The following PCSK2 variants were observed in gnomAD, a reference collection of about 807,000 sequenced individuals.
PCSK2 encodes the protein neuroendocrine convertase 2.
Under a neutral mutation model 69.7 loss-of-function variants are expected in PCSK2, and 14 were observed. The ratio of observed to expected loss-of-function variants is 0.20; its 90% CI spans 0.13 to 0.31. The LOEUF (loss-of-function observed/expected upper bound fraction) is 0.31. Among genes scored for constraint, PCSK2 ranks in the 10% least tolerant of loss-of-function variants. The probability of loss-of-function intolerance (pLI) is 1.00; values close to 1 mark genes in which losing one functional copy is unlikely to be tolerated. For synonymous variants in PCSK2, 307 were observed against 320.7 expected (o/e 0.96, Z 0.46); for missense variants, 544 against 842.5 (o/e 0.65, Z 4.39).
At chr20:17,313,920 G>C (rs1295750812) in intron 2 of PCSK2, among the ~76,000 whole-genome samples, 1 of 152,132 alleles carries the variant, frequency 6.6e-6, no homozygotes, top group Admixed American at 6.5e-5. Context: ...TAGCTCATAT[G>C]CACAAAGCAA....
intron 2 of PCSK2, among the ~76,000 whole-genome samples, chr20:17,337,028 T>C (rs1033236732): frequency 6.6e-6 from 1 of 152,190 alleles, no homozygotes; most frequent in Non-Finnish European, 1.5e-5. Flanking sequence ...GCATCAACAT[T>C]AGGTTGCTAT....
intron 1 of PCSK2, among the ~76,000 whole-genome samples, chr20:17,233,856 A>G (rs1986234093): frequency 6.6e-6 from 1 of 152,158 alleles, no homozygotes; most frequent in African/African-American, 2.4e-5. Flanking sequence ...AGCAGAAGTC[A>G]TGTGTACTTC....
intron 5 of PCSK2, among the ~76,000 whole-genome samples, chr20:17,399,009 A>C (rs189830447): frequency 6.6e-6 from 1 of 152,320 alleles, no homozygotes; most frequent in Admixed American, 6.5e-5. Flanking sequence ...CTATTGTACA[A>C]TGGGGGCAAA....
intron 2 of PCSK2, among the ~76,000 whole-genome samples, chr20:17,268,033 G>GTATGTATA (rs1433692727): frequency 3.0e-5 from 2 of 66,336 alleles, no homozygotes; most frequent in African/African-American, 1.2e-4. Flanking sequence ...TATCCAATGT[G>GTATGTATA]TATATATATA....
intron 2 of PCSK2, among the ~76,000 whole-genome samples, chr20:17,293,036 G>A (rs887512531): frequency 1.1e-4 from 16 of 152,118 alleles, no homozygotes; most frequent in Non-Finnish European, 2.4e-4. Flanking sequence ...TGTTGGCCAG[G>A]CTGGTCTTGA....
At chr20:17,316,426 T>C (rs934640481) in intron 2 of PCSK2, among the ~76,000 whole-genome samples, 1 of 152,244 alleles carries the variant, frequency 6.6e-6, no homozygotes, top group Admixed American at 6.5e-5. Context: ...CAAGCACTTG[T>C]ATAATTTTCT....
chr20:17,447,163 T>C (rs60413769), intron 8 of PCSK2, among the ~76,000 whole-genome samples: 100,039 of 150,946 alleles, frequency 0.66, 33,451 homozygotes, highest in African/African-American at 0.75. Context: ...CCCAGCTACT[T>C]GGGAGGCTGA....
Position 17,436,772 on chromosome 20 carries a change from G to T in PCSK2, c.774G>T (p.Met258Ile). Residue 258 changes from methionine to isoleucine, a missense_variant, in exon 8 of 12, where the codon ATG (methionine) becomes ATT (isoleucine). Physicochemically the swap from Met to Ile is conservative, Grantham distance 10. Transcript: ENST00000262545. ...DIIEASSISH[M>I]PQLIDIYSAS... ...TCGAGGCCTCCTCCATCAGTCATAT[G>T]CCACAGCTGATTGACATCTACAGCG... The T allele has an allele frequency of 6.2e-7, 1 of 1,614,028 alleles. No homozygotes were observed. The highest frequency in any genetic ancestry group is 1.7e-4 in the Middle Eastern group (1 of 6,060).
chr20:17,431,038 G>A (rs2123340189), intron 7 of PCSK2, among the ~76,000 whole-genome samples: 1 of 152,178 alleles, frequency 6.6e-6, no homozygotes, highest in South Asian at 2.1e-4. Flanking sequence ...TAATTCTCCT[G>A]CTGTCTTAGT....
intron 2 of PCSK2, among the ~76,000 whole-genome samples, chr20:17,284,161 G>A (rs1250017805): frequency 6.6e-6 from 1 of 152,178 alleles, no homozygotes; most frequent in Non-Finnish European, 1.5e-5. Context: ...GCCCAGAAAG[G>A]TATCATTGTT....
chr20:17,318,866 G>A (rs574172154), intron 2 of PCSK2, among the ~76,000 whole-genome samples: 59 of 152,162 alleles, frequency 3.9e-4, no homozygotes, highest in Non-Finnish European at 7.6e-4. Flanking sequence ...CATGGGAAGA[G>A]TACACACACA....
chr20:17,378,622 T>TGGAA (rs2030999552), intron 5 of PCSK2, among the ~76,000 whole-genome samples: 1 of 118,580 alleles, frequency 8.4e-6, no homozygotes. Context: ...GATGGATGGA[T>TGGAA]GGATGGATGG....
intron 2 of PCSK2, among the ~76,000 whole-genome samples, chr20:17,352,629 G>A (rs2030030717): frequency 6.6e-6 from 1 of 152,188 alleles, no homozygotes; most frequent in Admixed American, 6.5e-5. Context: ...ATGATGCTAG[G>A]ATAACTGTCT....
chr20:17,355,674 C>CACACACACACAG (rs1307678521), intron 2 of PCSK2, among the ~76,000 whole-genome samples: 2 of 151,470 alleles, frequency 1.3e-5, no homozygotes, highest in Admixed American at 6.6e-5. Context: ...CACACACACA[C>CACACACACACAG]AGAGAGAGAG....
At chr20:17,426,355 A>T (rs546121966) in intron 6 of PCSK2, among the ~76,000 whole-genome samples, 7 of 152,340 alleles carry the variant, frequency 4.6e-5, no homozygotes, top group South Asian at 2.1e-4. Flanking sequence ...CTGAACTGTA[A>T]GTCAATTAAC....
intron 2 of PCSK2, among the ~76,000 whole-genome samples, chr20:17,268,795 C>T (rs1568577094): frequency 6.6e-6 from 1 of 152,188 alleles, no homozygotes; most frequent in African/African-American, 2.4e-5. Context: ...CTAGAGAGAT[C>T]CATGCAAGGC....
intron 6 of PCSK2, among the ~76,000 whole-genome samples, chr20:17,425,102 T>C (rs2032217865): frequency 6.6e-6 from 1 of 152,222 alleles, no homozygotes; most frequent in Non-Finnish European, 1.5e-5. Context: ...TTTCTAAAAA[T>C]AATCCAAAGT....
At chr20:17,431,951 G>C (rs1465113830) in intron 7 of PCSK2, among the ~76,000 whole-genome samples, 1 of 152,140 alleles carries the variant, frequency 6.6e-6, no homozygotes, top group Non-Finnish European at 1.5e-5. Flanking sequence ...TGGCCAACTC[G>C]GATCGTTGCT....
At chr20:17,387,191 C>A (rs530300301) in intron 5 of PCSK2, among the ~76,000 whole-genome samples, 5 of 152,172 alleles carry the variant, frequency 3.3e-5, no homozygotes, top group Non-Finnish European at 5.9e-5. Flanking sequence ...AGAAGGATAG[C>A]AATATGCCTT....
Sources: allele counts gnomAD v4.1 joint callset (sites outside exome capture counted in the v4.1 genomes callset), GRCh38; gene constraint gnomAD v4.1.1; transcripts MANE v1.5; gene names NCBI Gene and HGNC (gene_info 2026-07-23, HGNC 2026-07-21).